RELCH: variants seen among roughly 807,000 people sequenced by gnomAD.
RELCH encodes RAB11 binding and LisH domain, coiled-coil and HEAT repeat containing, also known as RAB11-binding protein RELCH.
RELCH carries 41 observed loss-of-function variants against 150.3 expected under a neutral mutation model. The observed-to-expected ratio is 0.27, with a 90% confidence interval of 0.21 to 0.35. The LOEUF is 0.35. RELCH is among the 10% of genes least tolerant of loss of function. The probability of loss-of-function intolerance (pLI) is 1.00; values close to 1 mark genes in which losing one functional copy is unlikely to be tolerated. For synonymous variants in RELCH, 478 were observed against 531.8 expected (o/e 0.90, Z 1.39); for missense variants, 1,092 against 1,467.8 (o/e 0.74, Z 4.18).
At chr18:62,240,505 CT>C (rs1349886973) in intron 10 of RELCH, among the ~76,000 whole-genome samples, 1 of 151,006 alleles carries the variant, frequency 6.6e-6, no homozygotes, top group Non-Finnish European at 1.5e-5. Context: ...ACCTTCTGGC[CT>C]CAATAGATCC....
intron 11 of RELCH, among the ~76,000 whole-genome samples, chr18:62,250,936 T>A (rs967907071): frequency 1.3e-5 from 2 of 152,254 alleles, no homozygotes; most frequent in Non-Finnish European, 2.9e-5. Flanking sequence ...ATTAAAAATA[T>A]ACTTTTTTTC....
chr18:62,280,390 G>A lies in RELCH; in HGVS notation c.3051-256G>A, dbSNP rs2044444491. 3.1e-6 allele frequency: 5 copies of A among 1,613,898 alleles called. No homozygotes were observed. Among genetic ancestry groups the A allele is most frequent in the Non-Finnish European group, 4.2e-6 (5 of 1,179,910 alleles). ...TCTTCGAGGCATGAGTGAAGCGTTA[G>A]TTGACAAGCGGGTTGCTCCGGCCCT... is the stretch of plus-strand genomic sequence containing the variant. On this transcript the variant is annotated intron_variant, in intron 23 of 28. Transcript: ENST00000644646.
chr18:62,299,432 A>G (rs763002791), intron 28 of RELCH, among the ~76,000 whole-genome samples: 3 of 152,204 alleles, frequency 2.0e-5, no homozygotes, highest in Non-Finnish European at 2.9e-5. Context: ...AGTGGACTCT[A>G]TTAGACATAA....
chr18:62,310,080 G>A lies in RELCH; in HGVS notation c.*4546G>A, dbSNP rs1023818500. ...CTCTCTATAAAATGTACATTGCTGA[G>A]TAATATAAATATAATAATTTCTCAT... On this transcript the variant is annotated 3_prime_UTR_variant, in exon 29 of 29. Transcript: ENST00000644646. 3 of 81,568 alleles carry A rather than the reference G, an allele frequency of 3.7e-5. No individual in the cohort carries two copies. Among genetic ancestry groups the A allele is most frequent in the African/African-American group, 1.2e-4 (3 of 25,638 alleles). The allele number at this position is 81,568 out of a possible 1,614,324, so 5.1% of individuals were successfully genotyped here.
In RELCH at chr18:62,308,747, A is replaced by G. The variant is rs1409788107; in HGVS notation, c.*3213A>G. 6.6e-6 allele frequency: 1 copy of G among 152,140 alleles called. No homozygotes were observed. The highest frequency in any genetic ancestry group is 1.5e-5 in the Non-Finnish European group (1 of 68,024). The allele number at this position is 152,140 out of a possible 1,614,324, so 9.4% of individuals were successfully genotyped here. A position where few individuals can be genotyped will look rare whatever the true frequency, so the allele number is the denominator to read the frequency against. ...CAAAAAAAAAAGCTTTGTAAGTAGC[A>G]ATTCTAATTCATAATTCATGAAATA... On this transcript the variant is annotated 3_prime_UTR_variant, in exon 29 of 29. Transcript: ENST00000644646.
At chr18:62,275,352 TG>T (rs750231448) in intron 21 of RELCH, 21 bp from the exon 22 acceptor site, 1 of 1,293,370 alleles carries the variant, frequency 7.7e-7, no homozygotes, top group Non-Finnish European at 1.1e-6. Context: ...ATTTTAACAC[TG>T]TTTTTTTTTT....
chr18:62,249,050 G>T (rs2042567783), intron 11 of RELCH, among the ~76,000 whole-genome samples: 1 of 152,138 alleles, frequency 6.6e-6, no homozygotes, highest in Non-Finnish European at 1.5e-5. Context: ...GTTTTCCTAT[G>T]TTATAATTTT....
chr18:62,206,756 C>T (rs536791896), intron 1 of RELCH, among the ~76,000 whole-genome samples: 1 of 152,276 alleles, frequency 6.6e-6, no homozygotes, highest in East Asian at 1.9e-4. Context: ...TTACAACCTA[C>T]CTAGCCTCAG....
intron 26 of RELCH, among the ~76,000 whole-genome samples, chr18:62,289,104 T>A (rs1196553609): frequency 2.0e-5 from 3 of 152,156 alleles, no homozygotes; most frequent in Non-Finnish European, 2.9e-5. Flanking sequence ...CCAAAGGGCA[T>A]AGAAATCTAT....
intron 27 of RELCH, among the ~76,000 whole-genome samples, chr18:62,293,732 T>G (rs902052556): frequency 3.9e-5 from 6 of 152,086 alleles, no homozygotes; most frequent in Admixed American, 3.3e-4. Flanking sequence ...ATAATTAAAC[T>G]AACACCCATG....
At chr18:62,253,910 AT>A (rs1337434290) in intron 12 of RELCH, among the ~76,000 whole-genome samples, 3 of 151,950 alleles carry the variant, frequency 2.0e-5, no homozygotes, top group Non-Finnish European at 4.4e-5. Context: ...AATTTTTTAT[AT>A]TTTTTCCATT....
At chr18:62,280,249 A>G (rs1188789258) in intron 23 of RELCH, 14 of 825,190 alleles carry the variant, frequency 1.7e-5, no homozygotes, top group Non-Finnish European at 2.4e-5. Flanking sequence ...CGTGTGGATG[A>G]CTAAACCAAG....
intron 22 of RELCH, among the ~76,000 whole-genome samples, chr18:62,279,266 G>T (rs1482498802): frequency 6.6e-6 from 1 of 152,120 alleles, no homozygotes; most frequent in East Asian, 1.9e-4. Context: ...TTATTTAAAA[G>T]ATTAGGAATT....
At chr18:62,210,684 T>A (rs988134309) in intron 1 of RELCH, among the ~76,000 whole-genome samples, 1 of 152,244 alleles carries the variant, frequency 6.6e-6, no homozygotes. Flanking sequence ...TGTCCTGGTA[T>A]CATCTAGGAG....
chr18:62,241,807 G>A (rs1162986004), intron 10 of RELCH, among the ~76,000 whole-genome samples: 2 of 152,024 alleles, frequency 1.3e-5, no homozygotes, highest in African/African-American at 2.4e-5. Context: ...AGTAAATTCT[G>A]GTGTGGATTT....
chr18:62,240,362 C>T (rs1383733899), intron 10 of RELCH, among the ~76,000 whole-genome samples: 1 of 149,138 alleles, frequency 6.7e-6, no homozygotes, highest in Non-Finnish European at 1.5e-5. Context: ...ATTTAAATTT[C>T]AAAAGATTAC....
chr18:62,274,137 T>C (rs1385142671), intron 21 of RELCH, 51 bp downstream of exon 21: 2 of 1,169,248 alleles, frequency 1.7e-6, no homozygotes, highest in Admixed American at 1.8e-5. Context: ...AGTTTTTAGA[T>C]TGGATTTATA....
intron 22 of RELCH, chr18:62,277,979 A>T (rs2044304218): frequency 3.3e-6 from 1 of 304,622 alleles, no homozygotes; most frequent in African/African-American, 2.2e-5. Flanking sequence ...TTAGACTTGG[A>T]CAAGTTACTT....
chr18:62,261,948 C>T (rs1441192957), intron 16 of RELCH, among the ~76,000 whole-genome samples: 1 of 151,840 alleles, frequency 6.6e-6, no homozygotes, highest in Non-Finnish European at 1.5e-5. Flanking sequence ...TAAATATTTC[C>T]TTCCGTTAAT....
Sources: gnomAD v4.1 joint callset for allele counts (sites outside exome capture counted in the v4.1 genomes callset) on GRCh38, gnomAD v4.1.1 for gene constraint, MANE v1.5 for transcripts, NCBI Gene and HGNC (gene_info 2026-07-23, HGNC 2026-07-21) for gene names.